The following ZNF678 variants were observed in gnomAD, a reference collection of about 807,000 sequenced individuals.
ZNF678 encodes the protein hypothetical protein MGC42493.
Under a neutral mutation model 3.0 loss-of-function variants are expected in ZNF678, and 5 were observed. The observed-to-expected ratio is 1.69, with a 90% CI of 0.88 to 3.56. The LOEUF (loss-of-function observed/expected upper bound fraction) is 3.56, where lower values mean the gene tolerates loss of function less well. Among genes scored for constraint, ZNF678 ranks in the 30% most tolerant of loss-of-function variants. The probability of loss-of-function intolerance (pLI) is 0.00; values close to 1 mark genes in which losing one functional copy is unlikely to be tolerated. For missense variants in ZNF678, 593 were observed against 605.0 expected (o/e 0.98, Z 0.21); for synonymous variants, 218 against 199.6 (o/e 1.09, Z -0.78).
chr1:227,582,028 A>G (rs1360584759), intron 1 of ZNF678, among the ~76,000 whole-genome samples: 2 of 152,168 alleles, frequency 1.3e-5, no homozygotes, highest in African/African-American at 4.8e-5. Context: ...GTCATTTTAT[A>G]TGTTTAATGG....
chr1:227,568,507 A>G (rs1026524937), intron 1 of ZNF678, among the ~76,000 whole-genome samples: 1 of 152,202 alleles, frequency 6.6e-6, no homozygotes, highest in African/African-American at 2.4e-5. Context: ...CTTCAATCAC[A>G]TGCATTTACC....
At chr1:227,643,745 C>T (rs1233147871) in intron 1 of ZNF678, among the ~76,000 whole-genome samples, 1 of 152,000 alleles carries the variant, frequency 6.6e-6, no homozygotes, top group Non-Finnish European at 1.5e-5. Flanking sequence ...AGTTATAAAA[C>T]AGTAAATATA....
At chr1:227,594,935 T>C (rs1657522964) in intron 1 of ZNF678, among the ~76,000 whole-genome samples, 1 of 152,210 alleles carries the variant, frequency 6.6e-6, no homozygotes, top group Non-Finnish European at 1.5e-5. Context: ...TGTTTTTCTG[T>C]TAGCAAAGCA....
chr1:227,609,450 ATTAG>A (rs920442231), intron 1 of ZNF678, among the ~76,000 whole-genome samples: 2 of 152,220 alleles, frequency 1.3e-5, no homozygotes, highest in African/African-American at 4.8e-5. Flanking sequence ...GCTAGTACCT[ATTAG>A]TTATTTATTT....
chr1:227,597,209 C>A (rs1657615244), intron 1 of ZNF678, among the ~76,000 whole-genome samples: 1 of 152,186 alleles, frequency 6.6e-6, no homozygotes, highest in African/African-American at 2.4e-5. Context: ...TAGTTATCTG[C>A]AGCAGGAGCA....
intron 1 of ZNF678, among the ~76,000 whole-genome samples, chr1:227,595,713 A>C (rs577117922): frequency 8.5e-5 from 13 of 152,300 alleles, no homozygotes; most frequent in Non-Finnish European, 1.6e-4. Flanking sequence ...AATCAAAACC[A>C]AAATCAGAGT....
chr1:227,628,917 G>A (rs1658483251), intron 1 of ZNF678, among the ~76,000 whole-genome samples: 1 of 152,214 alleles, frequency 6.6e-6, no homozygotes, highest in Admixed American at 6.5e-5. Context: ...GAGTCAGGAT[G>A]TACAGGGATG....
rs577604124 is a variant in ZNF678, at chr1:227,638,722, T to C, written c.-163-7822T>C. On this transcript the variant is annotated intron_variant, in intron 1 of 3. Transcript: ENST00000343776. This position sits in a 1 kb window ranked among gnomAD's most constrained non-coding sequence, Gnocchi z 4.2. ...TAATGTGGAGTTTTGAAAGGATGTCTCTGCTTAGGAGCAGAGTTGGGCATG... is the reference window on the plus strand; with the variant it reads ...TAATGTGGAGTTTTGAAAGGATGTCCCTGCTTAGGAGCAGAGTTGGGCATG... Among the ~76,000 whole-genome samples, 2 of 152,092 alleles carry C rather than the reference T, an allele frequency of 1.3e-5. No individual in the cohort carries two copies. Among genetic ancestry groups the C allele is most frequent in the Admixed American group, 6.5e-5 (1 of 15,292 alleles).
chr1:227,654,297 T>C (rs375893393), intron 3 of ZNF678, 39 bp from the exon 4 acceptor site: 1 of 1,426,826 alleles, frequency 7.0e-7, no homozygotes, highest in South Asian at 1.6e-5. Flanking sequence ...TTACTGGAGA[T>C]TAGTAAGAAG....
intron 1 of ZNF678, among the ~76,000 whole-genome samples, chr1:227,590,850 C>G (rs1253362242): frequency 6.6e-6 from 1 of 151,744 alleles, no homozygotes; most frequent in African/African-American, 2.4e-5. Context: ...ACCATGTGGT[C>G]TTCCTACAGG....
At chr1:227,666,559 G>T (rs954682510), downstream of ZNF678, among the ~76,000 whole-genome samples, 2 of 152,102 alleles carry the variant, frequency 1.3e-5, no homozygotes, top group African/African-American at 4.8e-5. Context: ...TGGCTTAGGG[G>T]AAGTATTTTT....
chr1:227,596,965 T>C, intron 1 of ZNF678, among the ~76,000 whole-genome samples: 1 of 152,170 alleles, frequency 6.6e-6, no homozygotes, highest in East Asian at 1.9e-4. Flanking sequence ...TAAAATCTAG[T>C]TTTTTCTTTG....
chr1:227,672,695 C>T (rs1395201443), intron 5 of ZNF678, among the ~76,000 whole-genome samples: 1 of 150,548 alleles, frequency 6.6e-6, no homozygotes. Flanking sequence ...TGCTGTGGGT[C>T]GGTCGGTCTA....
At position 227,660,884 on chromosome 1, in the gene ZNF678, G is replaced by A. The variant is rs1659387460; in HGVS notation, c.*5056G>A. On this transcript the variant is annotated 3_prime_UTR_variant, in exon 4 of 4. Transcript: ENST00000343776. ...GGCTTGAGGTATGTATGTTCTATAT[G>A]TAATTTGTTTTGAGATTTTGTCATA... is the stretch of plus-strand genomic sequence containing the variant. The A allele has an allele frequency of 6.6e-6, 1 of 152,108 alleles. No homozygotes were observed. The highest frequency in any genetic ancestry group is 1.9e-4 in the East Asian group (1 of 5,194). 9.4% of individuals were successfully genotyped at this position (152,108 alleles called of 1,614,324 possible).
chr1:227,574,935 A>G (rs565602940), intron 1 of ZNF678, among the ~76,000 whole-genome samples: 14 of 145,538 alleles, frequency 9.6e-5, no homozygotes, highest in African/African-American at 3.7e-4. Flanking sequence ...CCCATTGCTT[A>G]TGGGGTTTTT....
In ZNF678 at chr1:227,637,942, C is replaced by T. The variant is rs368850568; in HGVS notation, c.-163-8602C>T. On this transcript the variant is annotated intron_variant, in intron 1 of 3. Transcript: ENST00000343776. ...TTGCTTTCTTAGGGGAGACCCAATA[C>T]CCCTGTTCTGTCAAGAAGTTTAAAA... Among the ~76,000 whole-genome samples, 150 of 152,198 alleles carry T rather than the reference C, an allele frequency of 9.9e-4. No homozygotes were observed. The South Asian group carries it at 0.019, about 19-fold the overall frequency.
rs1012055125 is a variant in ZNF678 at position 227,660,267 on chromosome 1, T to G, written c.*4439T>G. The G allele has an allele frequency of 6.6e-6, 1 of 151,700 alleles. No individual in the cohort carries two copies. The highest frequency in any genetic ancestry group is 1.9e-4 in the East Asian group (1 of 5,190). The allele number at this position is 151,700 out of a possible 1,614,324, so 9.4% of individuals were successfully genotyped here. A position where few individuals can be genotyped will look rare whatever the true frequency, so the allele number is the denominator to read the frequency against. ...ACTATATGAATTTTTGTGTTTTTTT[T>G]GTGAAAAATTTTATTGATATTTTGA... On this transcript the variant is annotated 3_prime_UTR_variant, in exon 4 of 4. Transcript: ENST00000343776.
intron 1 of ZNF678, among the ~76,000 whole-genome samples, chr1:227,600,055 G>A (rs906883392): frequency 6.6e-6 from 1 of 152,028 alleles, no homozygotes; most frequent in African/African-American, 2.4e-5. Context: ...TTAGGGAAAT[G>A]CAATATTTGG....
intron 1 of ZNF678, among the ~76,000 whole-genome samples, chr1:227,631,775 C>T (rs1465612183): frequency 6.6e-6 from 1 of 152,232 alleles, no homozygotes; most frequent in East Asian, 1.9e-4. Context: ...TGTTAAACTT[C>T]TGGGCGCCAT....
Sources: gnomAD v4.1 joint callset for allele counts (sites outside exome capture counted in the v4.1 genomes callset) on GRCh38, gnomAD v4.1.1 for gene constraint, Gnocchi (gnomAD v3.1) non-coding constraint, MANE v1.5 for transcripts, NCBI Gene and HGNC (gene_info 2026-07-23, HGNC 2026-07-21) for gene names.